The following COLEC12 variants were observed in gnomAD, a reference collection of about 807,000 sequenced individuals.
The protein encoded by COLEC12 is collectin subfamily member 12.
In COLEC12, 33 loss-of-function variants were observed where a neutral mutation model predicts 71.1. The ratio of observed to expected loss-of-function variants is 0.46; its 90% CI spans 0.35 to 0.62. COLEC12 has a LOEUF of 0.62. COLEC12 is among the 20% of genes least tolerant of loss of function. The pLI is 0.00. For missense variants in COLEC12, 765 were observed against 916.1 expected, an observed-to-expected ratio of 0.84 and a Z score of 2.13; for synonymous variants, 350 against 353.0, an observed-to-expected ratio of 0.99 and a Z score of 0.10.
At position 331,733 on chromosome 18, in the gene COLEC12, G is replaced by C; in HGVS notation, c.1998C>G (p.Ile666Met). The C allele has an allele frequency of 6.2e-7, 1 of 1,613,880 alleles. No individual in the cohort carries two copies. Among genetic ancestry groups the C allele is most frequent in the Non-Finnish European group, 8.5e-7 (1 of 1,179,778 alleles). Residue 666 changes from isoleucine to methionine, a missense_variant, in exon 8 of 10, where the codon ATC becomes ATG. Ile to Met is a conservative substitution (Grantham distance 10, BLOSUM62 1). Coordinates refer to ENST00000400256, the MANE Select transcript of COLEC12 (RefSeq NM_130386.3). The stretch of plus-strand genomic sequence containing the variant: ...TTTCACGCTCTGAGTCTGTGAGGCC[G>C]ATCCAGTGGCTCTCTCTCCCTACCA... ...KQMVGRESHW[I>M]GLTDSERENE...
At chr18:463,970 C>T (rs969028217) in intron 2 of COLEC12, among the ~76,000 whole-genome samples, 1 of 152,184 alleles carries the variant, frequency 6.6e-6, no homozygotes, top group African/African-American at 2.4e-5. Context: ...TACAGCTCCA[C>T]CCCCAGCCCG....
chr18:499,674 C>A lies in COLEC12; in HGVS notation c.7+834G>T, dbSNP rs922601068. On this transcript the variant is annotated intron_variant, in intron 1 of 9. Coordinates refer to ENST00000400256, the MANE Select transcript of COLEC12 (RefSeq NM_130386.3). ...GAACGACTCTTTGATGCCTCCGCTG[C>A]GGTTACTTATCTCATACATAAATCA... Among the ~76,000 whole-genome samples, 3 of 152,228 alleles carry A rather than the reference C, an allele frequency of 2.0e-5. No homozygotes were observed. In the East Asian group the frequency reaches 5.8e-4, roughly 29 times the overall value.
Position 414,638 on chromosome 18 carries a change from G to A in COLEC12, c.59-57116C>T, listed in dbSNP as rs572205086. Among the ~76,000 whole-genome samples, 19 of 152,088 alleles carry A rather than the reference G, an allele frequency of 1.2e-4. No homozygotes were observed. The South Asian group carries it at 3.5e-3, about 28-fold the overall frequency. On this transcript the variant is annotated intron_variant, in intron 2 of 9. Coordinates refer to ENST00000400256, the MANE Select transcript of COLEC12 (RefSeq NM_130386.3). ...CAAACAAAAAACAAAAAACAAAACCGAACTCTTATGCAAACACAGATCTTT... is the reference window on the plus strand; with the variant it reads ...CAAACAAAAAACAAAAAACAAAACCAAACTCTTATGCAAACACAGATCTTT...
chr18:389,604 A>C (rs1915420430), intron 2 of COLEC12, among the ~76,000 whole-genome samples: 1 of 151,930 alleles, frequency 6.6e-6, no homozygotes, highest in Admixed American at 6.6e-5. Flanking sequence ...TTTTTAAAAA[A>C]AGATATAGCA....
At position 346,222 on chromosome 18, in the gene COLEC12, G is replaced by T; in HGVS notation, c.1327+73C>A. On this transcript the variant is annotated intron_variant, in intron 5 of 9. Transcript: ENST00000400256. The surrounding 1 kb of genome is among the most constrained non-coding windows in gnomAD (Gnocchi z 4.0). ...TGATGAATATTTATTGTTTTAAATT[G>T]CCAAGTTTTAGAGTAACTTGTTATG... 3 of 1,154,054 alleles carry T rather than the reference G, an allele frequency of 2.6e-6. No individual in the cohort carries two copies. The highest frequency in any genetic ancestry group is 1.5e-5 in the African/African-American group (1 of 64,766). 71.5% of individuals were successfully genotyped at this position (1,154,054 alleles called of 1,614,324 possible).
At chr18:366,470 C>A (rs1167763825) in intron 2 of COLEC12, among the ~76,000 whole-genome samples, 1 of 152,178 alleles carries the variant, frequency 6.6e-6, no homozygotes, top group Non-Finnish European at 1.5e-5. Context: ...CTCAATGCAC[C>A]CTTTCCTAAT....
chr18:353,694 C>T (rs1003627143), intron 3 of COLEC12, among the ~76,000 whole-genome samples: 7 of 152,218 alleles, frequency 4.6e-5, no homozygotes, highest in Non-Finnish European at 7.3e-5. Flanking sequence ...CTGGTGCTCA[C>T]ACGTTTTTGT....
chr18:420,084 G>A lies in COLEC12; in HGVS notation c.58+60623C>T, dbSNP rs566521020. ...AACTCTCATCCCTGCCTGGCATGCCGGCTGAGACCCTGGATTGTGGCGCAG... is the reference window on the plus strand; with the variant it reads ...AACTCTCATCCCTGCCTGGCATGCCAGCTGAGACCCTGGATTGTGGCGCAG... On this transcript the variant is annotated intron_variant, in intron 2 of 9. Transcript: ENST00000400256. Among the ~76,000 whole-genome samples, 52 of 152,206 alleles carry A rather than the reference G, an allele frequency of 3.4e-4. 1 individual carries two copies. Among genetic ancestry groups the A allele is most frequent in the African/African-American group, 7.7e-4 (32 of 41,508 alleles).
intron 2 of COLEC12, among the ~76,000 whole-genome samples, chr18:389,404 G>A (rs942091839): frequency 3.3e-5 from 5 of 151,522 alleles, no homozygotes; most frequent in Admixed American, 2.0e-4. Flanking sequence ...TCAGCCTTCC[G>A]AGTAGCTGGG....
intron 2 of COLEC12, among the ~76,000 whole-genome samples, chr18:380,263 CTGGCTCTTCCCTCCCT>C (rs758138888): frequency 2.6e-4 from 39 of 152,320 alleles, no homozygotes; most frequent in Non-Finnish European, 5.1e-4. Context: ...GCACATTATG[CTGGCTCTTCCCTCCCT>C]TGTGTAATAT....
At chr18:438,600 C>A (rs896812455) in intron 2 of COLEC12, among the ~76,000 whole-genome samples, 6 of 152,034 alleles carry the variant, frequency 3.9e-5, no homozygotes, top group South Asian at 2.1e-4. Flanking sequence ...TCACTTGAGG[C>A]CAGGAGTTCA....
In COLEC12 at chr18:399,434, T is replaced by G. The variant is rs995595615; in HGVS notation, c.59-41912A>C. On this transcript the variant is annotated intron_variant, in intron 2 of 9. Transcript: ENST00000400256. This position sits in a 1 kb window ranked among gnomAD's most constrained non-coding sequence, Gnocchi z 4.0. ...ACTCCCTGATAGCTGGAATCCTTCC[T>G]TGTCAAACCAGCTCCAAGAGCAGGC... Among the ~76,000 whole-genome samples, 12 of 152,204 alleles carry G rather than the reference T, an allele frequency of 7.9e-5. No homozygotes were observed. The highest frequency in any genetic ancestry group is 2.9e-4 in the African/African-American group (12 of 41,452).
At chr18:366,016 C>T (rs1022363846) in intron 2 of COLEC12, among the ~76,000 whole-genome samples, 2 of 152,190 alleles carry the variant, frequency 1.3e-5, no homozygotes, top group Non-Finnish European at 2.9e-5. Context: ...CAGAATTCTG[C>T]CCACATCACC....
chr18:483,766 G>A (rs890755135), intron 1 of COLEC12, among the ~76,000 whole-genome samples: 19 of 152,268 alleles, frequency 1.2e-4, no homozygotes, highest in African/African-American at 3.8e-4. Context: ...CTGCAGCCTC[G>A]TCTATTCTCC....
chr18:434,486 A>G (rs1386862173), intron 2 of COLEC12, among the ~76,000 whole-genome samples: 1 of 152,218 alleles, frequency 6.6e-6, no homozygotes, highest in East Asian at 1.9e-4. Context: ...CTCGGAGTCC[A>G]TGTTTCCATT....
intron 2 of COLEC12, among the ~76,000 whole-genome samples, chr18:405,037 C>A (rs35392218): frequency 0.14 from 21,452 of 152,072 alleles, 2,010 homozygotes; most frequent in East Asian, 0.32. Context: ...CTGTATGATG[C>A]GGTTGAGATA....
intron 6 of COLEC12, 172 bp downstream of exon 6, chr18:334,570 G>A: frequency 2.2e-6 from 1 of 456,680 alleles, no homozygotes; most frequent in African/African-American, 2.0e-5. Context: ...GGAGGTTGCA[G>A]TGAGCCGAGA....
At chr18:414,157 C>G (rs562595230) in intron 2 of COLEC12, among the ~76,000 whole-genome samples, 1 of 152,268 alleles carries the variant, frequency 6.6e-6, no homozygotes, top group Admixed American at 6.5e-5. Context: ...TACATAGGAA[C>G]TCCATATTAT....
At chr18:389,476 C>T (rs1915416848) in intron 2 of COLEC12, among the ~76,000 whole-genome samples, 1 of 152,022 alleles carries the variant, frequency 6.6e-6, no homozygotes, top group Non-Finnish European at 1.5e-5. Context: ...GACGGGGTTT[C>T]GCCATGTTAA....
Sources: gnomAD v4.1 joint callset for allele counts (sites outside exome capture counted in the v4.1 genomes callset) on GRCh38, gnomAD v4.1.1 for gene constraint, Gnocchi (gnomAD v3.1) non-coding constraint, MANE v1.5 for transcripts, NCBI Gene and HGNC (gene_info 2026-07-23, HGNC 2026-07-21) for gene names.